The following CADPS variants were observed in gnomAD, a reference collection of about 807,000 sequenced individuals.
The protein encoded by CADPS is calcium-dependent secretion activator 1.
CADPS carries 57 observed loss-of-function variants against 167.3 expected under a neutral mutation model. The ratio of observed to expected loss-of-function variants is 0.34; its 90% CI spans 0.28 to 0.42. The LOEUF is 0.42. Ranked by LOEUF, CADPS falls within the 20% of genes least tolerant of loss-of-function variation. The pLI, the probability that CADPS is intolerant of heterozygous loss-of-function variation, is 1.00. For synonymous variants in CADPS, 676 were observed against 635.3 expected (o/e 1.06, Z -0.96); for missense variants, 1,414 against 1,738.1 (o/e 0.81, Z 3.32).
Position 62,843,439 on chromosome 3 carries a change from C to T in CADPS, c.441+31150G>A, listed in dbSNP as rs968385023. Among the ~76,000 whole-genome samples the T allele has an allele frequency of 2.6e-5, 4 of 151,704 alleles. No homozygotes were observed. The East Asian group carries it at 7.7e-4, about 29-fold the overall frequency. ...GTGTGTTTTTGTAATAGAAATATAA[C>T]TGAATTACAAAATACCCCCAAATAA... On this transcript the variant is annotated intron_variant, in intron 1 of 29. Transcript: ENST00000383710.
chr3:62,489,490 A>G (rs1220191582), intron 21 of CADPS, among the ~76,000 whole-genome samples: 1 of 152,236 alleles, frequency 6.6e-6, no homozygotes, highest in Non-Finnish European at 1.5e-5. Flanking sequence ...TTAACAGATT[A>G]TAAAATGACT....
intron 17 of CADPS, among the ~76,000 whole-genome samples, chr3:62,510,178 C>T (rs2067480421): frequency 8.7e-6 from 1 of 115,570 alleles, no homozygotes; most frequent in South Asian, 2.9e-4. Flanking sequence ...TTCCTCCCAC[C>T]TACCTATTTC....
At chr3:62,736,812 T>C (rs1007779603) in intron 3 of CADPS, among the ~76,000 whole-genome samples, 7 of 152,176 alleles carry the variant, frequency 4.6e-5, no homozygotes, top group African/African-American at 1.4e-4. Context: ...TGGCGAACAA[T>C]TCTATTTCCG....
chr3:62,630,502 C>T (rs2065076610), intron 6 of CADPS, among the ~76,000 whole-genome samples: 1 of 152,030 alleles, frequency 6.6e-6, no homozygotes, highest in South Asian at 2.1e-4. Flanking sequence ...GCATGCACCA[C>T]CACACCCAGC....
intron 10 of CADPS, among the ~76,000 whole-genome samples, chr3:62,555,767 G>T (rs1342102811): frequency 6.6e-6 from 1 of 151,892 alleles, no homozygotes; most frequent in African/African-American, 2.4e-5. Context: ...TTGAGTTGGG[G>T]TCTATTTCTG....
chr3:62,517,140 C>T (rs947489648), intron 14 of CADPS, among the ~76,000 whole-genome samples: 3 of 152,058 alleles, frequency 2.0e-5, no homozygotes, highest in African/African-American at 7.2e-5. Context: ...CCGTCTGCTA[C>T]CGGTAATGCA....
intron 3 of CADPS, among the ~76,000 whole-genome samples, chr3:62,681,323 G>A (rs1580318310): frequency 6.6e-6 from 1 of 152,056 alleles, no homozygotes; most frequent in East Asian, 1.9e-4. Flanking sequence ...GTTTGTAATT[G>A]TATATCTGTT....
rs1337254122 is a variant in CADPS at position 62,753,705 on chromosome 3, C to A, written c.624G>T (p.Arg208=). 1 of 1,614,154 alleles carries A rather than the reference C, an allele frequency of 6.2e-7. No individual in the cohort carries two copies. Among genetic ancestry groups the A allele is most frequent in the South Asian group, 1.1e-5 (1 of 91,074 alleles). ...QSGGCSANDS[R]EVFKKHIEKR... ...TCTCAATGTGCTTCTTGAAGACCTC[C>A]CGGGAGTCGTTGGCGGAACAGCCTC... Residue 208 remains arginine, a synonymous_variant, in exon 3 of 30, where the codon CGG becomes CGT. Transcript: ENST00000383710. This position sits in a 1 kb window ranked among gnomAD's most constrained non-coding sequence, Gnocchi z 4.6.
intron 13 of CADPS, among the ~76,000 whole-genome samples, chr3:62,526,891 G>A (rs1577237196): frequency 6.6e-6 from 1 of 152,126 alleles, no homozygotes; most frequent in East Asian, 1.9e-4. Context: ...TGGAGCCCAG[G>A]CATTAGCATT....
At chr3:62,775,980 C>T (rs899945052) in intron 1 of CADPS, among the ~76,000 whole-genome samples, 4 of 152,086 alleles carry the variant, frequency 2.6e-5, no homozygotes, top group Admixed American at 1.3e-4. Context: ...TTGGTTTGTG[C>T]GAAAGTACCA....
At chr3:62,415,440 G>A (rs1247482031) in intron 28 of CADPS, among the ~76,000 whole-genome samples, 2 of 151,794 alleles carry the variant, frequency 1.3e-5, no homozygotes, top group African/African-American at 4.8e-5. Flanking sequence ...TCGCCCCAGG[G>A]GTGCTGCAAA....
At chr3:62,633,930 T>C (rs2149763487) in intron 6 of CADPS, among the ~76,000 whole-genome samples, 1 of 152,234 alleles carries the variant, frequency 6.6e-6, no homozygotes, top group Non-Finnish European at 1.5e-5. Context: ...AAATTTAAAC[T>C]TTTTTTTACT....
intron 8 of CADPS, among the ~76,000 whole-genome samples, chr3:62,581,814 G>A (rs1351074619): frequency 6.6e-6 from 1 of 152,180 alleles, no homozygotes; most frequent in South Asian, 2.1e-4. Flanking sequence ...TAATCCTTGT[G>A]AGGTGGTTTC....
At chr3:62,547,425 T>A (rs1020220996) in intron 11 of CADPS, among the ~76,000 whole-genome samples, 2 of 152,068 alleles carry the variant, frequency 1.3e-5, no homozygotes, top group Non-Finnish European at 2.9e-5. Flanking sequence ...GGCCTCATGC[T>A]CTCTGAAGAA....
intron 3 of CADPS, among the ~76,000 whole-genome samples, chr3:62,731,141 C>G (rs1209016628): frequency 1.3e-5 from 2 of 152,160 alleles, no homozygotes. Context: ...CCTTCCAATT[C>G]TGATGGCCCT....
intron 1 of CADPS, chr3:62,779,524 A>T: frequency 5.6e-6 from 3 of 536,988 alleles, no homozygotes; most frequent in South Asian, 1.4e-5. Context: ...TTGGCCCATC[A>T]TGTGGCTGCC....
At chr3:62,477,008 A>G (rs1034759929) in intron 23 of CADPS, among the ~76,000 whole-genome samples, 2 of 152,154 alleles carry the variant, frequency 1.3e-5, no homozygotes, top group African/African-American at 2.4e-5. Flanking sequence ...ATACTAAAAA[A>G]TCTGGATCAC....
intron 2 of CADPS, among the ~76,000 whole-genome samples, chr3:62,757,591 A>T (rs546205680): frequency 6.6e-6 from 1 of 152,308 alleles, no homozygotes; most frequent in Admixed American, 6.5e-5. Context: ...TTGGTCTCTT[A>T]AAACAAGAGA....
chr3:62,443,548 G>A (rs1223623984), intron 27 of CADPS, among the ~76,000 whole-genome samples: 6 of 152,142 alleles, frequency 3.9e-5, no homozygotes, highest in Non-Finnish European at 8.8e-5. Context: ...GACCCAGTAG[G>A]AGGTAATTGA....
Sources: allele counts gnomAD v4.1 joint callset (sites outside exome capture counted in the v4.1 genomes callset), GRCh38; gene constraint gnomAD v4.1.1; non-coding constraint Gnocchi (gnomAD v3.1); transcripts MANE v1.5; gene names NCBI Gene and HGNC (gene_info 2026-07-23, HGNC 2026-07-21).